The following CADPS2 variants were observed in gnomAD, a reference collection of about 807,000 sequenced individuals.
The protein encoded by CADPS2 is calcium dependent secretion activator 2.
A neutral mutation model predicts 172.5 loss-of-function variants in CADPS2; 93 were observed. The observed-to-expected ratio is 0.54, with a 90% CI of 0.46 to 0.64. CADPS2 has a LOEUF of 0.64. Ranked by LOEUF, CADPS2 falls within the 30% of genes least tolerant of loss-of-function variation. The pLI, the probability that CADPS2 is intolerant of heterozygous loss-of-function variation, is 0.00. For synonymous variants in CADPS2, 546 were observed against 555.2 expected (o/e 0.98, Z 0.23); for missense variants, 1,420 against 1,565.9 (o/e 0.91, Z 1.57).
intron 7 of CADPS2, among the ~76,000 whole-genome samples, chr7:122,562,213 C>T (rs187795935): frequency 7.9e-4 from 120 of 152,164 alleles, no homozygotes; most frequent in African/African-American, 2.8e-3. Context: ...CCTTAAATGG[C>T]AAAGGAGAAT....
chr7:122,410,142 G>A (rs1197430593), intron 19 of CADPS2, among the ~76,000 whole-genome samples: 3 of 152,030 alleles, frequency 2.0e-5, no homozygotes, highest in African/African-American at 7.2e-5. Flanking sequence ...TCAGGAGCTC[G>A]AGACCAGCCT....
At chr7:122,698,892 C>T (rs2085586750) in intron 2 of CADPS2, 2 of 1,597,860 alleles carry the variant, frequency 1.3e-6, no homozygotes, top group Non-Finnish European at 1.7e-6. Flanking sequence ...TGTTGTTTCT[C>T]CAAGTGCCAA....
At chr7:122,383,024 T>C (rs931120790) in intron 24 of CADPS2, among the ~76,000 whole-genome samples, 3 of 151,996 alleles carry the variant, frequency 2.0e-5, no homozygotes, top group African/African-American at 7.2e-5. Context: ...CAAAAACCAC[T>C]TGAACTTGTA....
intron 27 of CADPS2, among the ~76,000 whole-genome samples, chr7:122,354,988 G>A (rs1385527640): frequency 6.6e-6 from 1 of 152,108 alleles, no homozygotes; most frequent in Non-Finnish European, 1.5e-5. Context: ...CACGTGCCTG[G>A]AATTTATTTC....
intron 15 of CADPS2, among the ~76,000 whole-genome samples, chr7:122,443,453 G>A (rs528066100): frequency 6.1e-4 from 93 of 152,148 alleles, no homozygotes; most frequent in Non-Finnish European, 1.1e-3. Flanking sequence ...ATAAAATTCA[G>A]CCACATTATA....
At chr7:122,744,065 A>G (rs2092615304) in intron 1 of CADPS2, among the ~76,000 whole-genome samples, 1 of 152,240 alleles carries the variant, frequency 6.6e-6, no homozygotes, top group Admixed American at 6.5e-5. Flanking sequence ...AGGTATAGAC[A>G]TGGTCAAATG....
chr7:122,682,472 T>A lies in CADPS2; in HGVS notation c.454-18903A>T, dbSNP rs189883365. 2.0e-5 allele frequency among the ~76,000 whole-genome samples: 3 copies of A among 152,354 alleles called. No homozygotes were observed. The East Asian group carries it at 5.8e-4, about 29-fold the overall frequency. On this transcript the variant is annotated intron_variant, in intron 2 of 29. Coordinates refer to ENST00000449022, the MANE Select transcript of CADPS2 (RefSeq NM_017954.11). The stretch of plus-strand genomic sequence containing the variant: ...ATCTATTCTATAAAGAAAATGTTTT[T>A]CTTGTTTTGCCCTCACTGTAATAAT...
At chr7:122,710,084 A>AG (rs1435960206) in intron 2 of CADPS2, among the ~76,000 whole-genome samples, 1 of 148,782 alleles carries the variant, frequency 6.7e-6, no homozygotes, top group Non-Finnish European at 1.5e-5. Flanking sequence ...TGCCAACCCA[A>AG]AAAAAAAAAA....
intron 28 of CADPS2, among the ~76,000 whole-genome samples, chr7:122,333,298 T>C (rs909900040): frequency 2.0e-5 from 3 of 152,232 alleles, no homozygotes; most frequent in Non-Finnish European, 2.9e-5. Context: ...AACTTAGTCT[T>C]GAGATGAAAC....
chr7:122,864,947 C>T (rs1280235768), intron 1 of CADPS2, among the ~76,000 whole-genome samples: 1 of 152,024 alleles, frequency 6.6e-6, no homozygotes, highest in South Asian at 2.1e-4. Context: ...GTACTCATCA[C>T]TTCTGTTTGT....
intron 17 of CADPS2, among the ~76,000 whole-genome samples, chr7:122,433,947 T>C (rs1200729518): frequency 6.6e-6 from 1 of 152,150 alleles, no homozygotes; most frequent in Non-Finnish European, 1.5e-5. Flanking sequence ...GACCCTTTCA[T>C]ATCTCCCAGG....
At chr7:122,647,255 A>G (rs1482429307) in intron 3 of CADPS2, among the ~76,000 whole-genome samples, 2 of 152,056 alleles carry the variant, frequency 1.3e-5, no homozygotes, top group Admixed American at 6.6e-5. Context: ...CAAAATCCCA[A>G]TATGTTCTAA....
intron 8 of CADPS2, among the ~76,000 whole-genome samples, chr7:122,513,800 T>C (rs753947483): frequency 2.6e-5 from 4 of 152,206 alleles, no homozygotes; most frequent in African/African-American, 7.2e-5. Flanking sequence ...TCAGTCTCCA[T>C]GTCCTCACCT....
intron 28 of CADPS2, among the ~76,000 whole-genome samples, chr7:122,338,222 C>T (rs1027452507): frequency 9.9e-5 from 15 of 152,120 alleles, no homozygotes; most frequent in Non-Finnish European, 1.0e-4. Context: ...CGTGGTGAAA[C>T]CCTGTCTCCA....
intron 1 of CADPS2, among the ~76,000 whole-genome samples, chr7:122,814,783 T>C (rs1404234616): frequency 2.6e-5 from 4 of 152,150 alleles, no homozygotes; most frequent in African/African-American, 4.8e-5. Flanking sequence ...TTACATGGAA[T>C]TGAAAATAAA....
At chr7:122,580,744 GAC>G in intron 7 of CADPS2, among the ~76,000 whole-genome samples, 1 of 152,252 alleles carries the variant, frequency 6.6e-6, no homozygotes, top group East Asian at 1.9e-4. Context: ...AGATAAGAGA[GAC>G]AGATGCACTT....
chr7:122,839,698 A>G (rs1809795810), intron 1 of CADPS2, among the ~76,000 whole-genome samples: 1 of 152,216 alleles, frequency 6.6e-6, no homozygotes, highest in Non-Finnish European at 1.5e-5. Context: ...ACCACTGGTC[A>G]TCAGAGAAAT....
At chr7:122,783,992 G>A (rs922388032) in intron 1 of CADPS2, among the ~76,000 whole-genome samples, 7 of 152,162 alleles carry the variant, frequency 4.6e-5, no homozygotes, top group South Asian at 4.2e-4. Context: ...GATTGAACCC[G>A]AACATTTTCC....
chr7:122,570,151 T>C (rs1307443619), intron 7 of CADPS2, among the ~76,000 whole-genome samples: 2 of 148,868 alleles, frequency 1.3e-5, no homozygotes, highest in Non-Finnish European at 3.0e-5. Flanking sequence ...AGGGCTAATA[T>C]CCAGAATCTA....
Sources: gnomAD v4.1 joint callset for allele counts (sites outside exome capture counted in the v4.1 genomes callset) on GRCh38, gnomAD v4.1.1 for gene constraint, MANE v1.5 for transcripts, NCBI Gene and HGNC (gene_info 2026-07-23, HGNC 2026-07-21) for gene names.